SLC38A6: variants seen among roughly 807,000 people sequenced by gnomAD.
SLC38A6 encodes the protein N system amino acid transporter NAT-1.
Under a neutral mutation model 65.0 loss-of-function variants are expected in SLC38A6, and 73 were observed. The ratio of observed to expected loss-of-function variants is 1.12; its 90% CI spans 0.93 to 1.37. The LOEUF (loss-of-function observed/expected upper bound fraction) is 1.37, where lower values mean the gene tolerates loss of function less well. SLC38A6 is among the 40% of genes most tolerant of loss of function. SLC38A6 has a pLI of 0.00. For missense variants in SLC38A6, 561 were observed against 531.1 expected, an observed-to-expected ratio of 1.06 and a Z score of -0.55; for synonymous variants, 183 against 178.8, an observed-to-expected ratio of 1.02 and a Z score of -0.19.
intron 8 of SLC38A6, among the ~76,000 whole-genome samples, chr14:61,038,040 C>T (rs1025780162): frequency 6.6e-6 from 1 of 151,998 alleles, no homozygotes; most frequent in Non-Finnish European, 1.5e-5. Flanking sequence ...CTGTTTGAGA[C>T]TAGTCATCTT....
chr14:61,018,299 A>G (rs1285422049), intron 4 of SLC38A6, among the ~76,000 whole-genome samples: 1 of 152,240 alleles, frequency 6.6e-6, no homozygotes, highest in African/African-American at 2.4e-5. Context: ...TTTCACAAAT[A>G]ACTTCGACAT....
At chr14:61,019,457 T>A in intron 4 of SLC38A6, 84 bp from the exon 5 acceptor site, 2 of 1,397,244 alleles carry the variant, frequency 1.4e-6, no homozygotes, top group Non-Finnish European at 2.0e-6. Context: ...GCTTTTTTAG[T>A]AATAGTTACT....
At chr14:61,014,066 G>A (rs893485376) in intron 3 of SLC38A6, among the ~76,000 whole-genome samples, 2 of 152,076 alleles carry the variant, frequency 1.3e-5, no homozygotes, top group Non-Finnish European at 2.9e-5. Context: ...CATATTTCTT[G>A]GAGGCTTTGT....
At position 61,016,643 on chromosome 14, in the gene SLC38A6, C is replaced by T. The variant is rs548407877; in HGVS notation, c.363+687C>T. 2.2e-3 allele frequency among the ~76,000 whole-genome samples: 328 copies of T among 152,252 alleles called. 1 individual carries two copies. The highest frequency in any genetic ancestry group is 2.1e-3 in the Non-Finnish European group (143 of 68,002). On this transcript the variant is annotated intron_variant, in intron 4 of 15. Coordinates refer to ENST00000267488, the MANE Select transcript of SLC38A6 (RefSeq NM_153811.3). ...CTTCCACCAGTAATCAGGAGTTGAA[C>T]GTTACTGTTAGTGCTATAGTATATA...
chr14:60,990,344 G>A (rs1283182545), intron 3 of SLC38A6, among the ~76,000 whole-genome samples: 8 of 151,780 alleles, frequency 5.3e-5, no homozygotes, highest in East Asian at 3.9e-4. Context: ...ACTCATTATC[G>A]GGCTCATGGT....
chr14:60,981,468 C>T (rs113672433), intron 1 of SLC38A6, 86 bp downstream of exon 1: 3 of 1,541,460 alleles, frequency 1.9e-6, no homozygotes, highest in Non-Finnish European at 8.7e-7. Flanking sequence ...AAAGGAGGAC[C>T]GCACCGGGAC....
At chr14:61,018,626 G>T in intron 4 of SLC38A6, among the ~76,000 whole-genome samples, 1 of 152,152 alleles carries the variant, frequency 6.6e-6, no homozygotes, top group South Asian at 2.1e-4. Flanking sequence ...TTGAGTGATT[G>T]AAAGGCCCAC....
intron 3 of SLC38A6, among the ~76,000 whole-genome samples, chr14:61,011,695 C>T (rs1004668232): frequency 1.4e-4 from 22 of 152,088 alleles, no homozygotes; most frequent in African/African-American, 2.7e-4. Flanking sequence ...TATTGATTTG[C>T]GTATGTTGAA....
At chr14:61,063,540 A>G (rs2042924837) in intron 15 of SLC38A6, among the ~76,000 whole-genome samples, 1 of 152,222 alleles carries the variant, frequency 6.6e-6, no homozygotes, top group African/African-American at 2.4e-5. Context: ...GCCAGGGTGT[A>G]TCAGTAAAAA....
chr14:61,081,266 T>C (rs555610024), intron 16 of SLC38A6, among the ~76,000 whole-genome samples: 3 of 152,320 alleles, frequency 2.0e-5, no homozygotes, highest in South Asian at 4.1e-4. Context: ...CCAAGGTAAA[T>C]TGGACAAGGA....
intron 15 of SLC38A6, among the ~76,000 whole-genome samples, chr14:61,072,722 T>C (rs1284115693): frequency 6.6e-6 from 1 of 152,246 alleles, no homozygotes; most frequent in Non-Finnish European, 1.5e-5. Context: ...ATTGTTTTTA[T>C]GGCTGAATAG....
At chr14:61,034,540 G>A (rs943602897) in intron 6 of SLC38A6, among the ~76,000 whole-genome samples, 9 of 152,016 alleles carry the variant, frequency 5.9e-5, no homozygotes, top group African/African-American at 2.2e-4. Context: ...CTAACATTGG[G>A]TCCCAGAAGG....
intron 3 of SLC38A6, among the ~76,000 whole-genome samples, chr14:61,005,847 C>T (rs1057337391): frequency 1.3e-5 from 2 of 151,952 alleles, no homozygotes; most frequent in African/African-American, 4.8e-5. Context: ...CATATGGAAC[C>T]AAAAAAGAGC....
intron 3 of SLC38A6, among the ~76,000 whole-genome samples, chr14:61,004,920 T>C (rs1327691515): frequency 6.6e-6 from 1 of 152,104 alleles, no homozygotes; most frequent in East Asian, 1.9e-4. Flanking sequence ...TTGATGAACA[T>C]GGATGCAAAA....
At chr14:61,047,059 C>A (rs962281525) in intron 12 of SLC38A6, among the ~76,000 whole-genome samples, 19 of 151,926 alleles carry the variant, frequency 1.3e-4, no homozygotes, top group African/African-American at 4.6e-4. Context: ...TCTTGGGATC[C>A]AAAAATATTT....
At chr14:61,018,668 A>G (rs543977973) in intron 4 of SLC38A6, among the ~76,000 whole-genome samples, 8 of 152,186 alleles carry the variant, frequency 5.3e-5, no homozygotes, top group Non-Finnish European at 7.3e-5. Context: ...GTTTCCTCTA[A>G]GCATATCTGA....
intron 15 of SLC38A6, among the ~76,000 whole-genome samples, chr14:61,077,880 T>G (rs1047574991): frequency 1.3e-5 from 2 of 152,250 alleles, no homozygotes; most frequent in Admixed American, 1.3e-4. Flanking sequence ...TAATTTGCTT[T>G]TAATAAATCA....
Position 60,981,266 on chromosome 14 carries a change from C to G in SLC38A6, c.-12C>G. On this transcript the variant is annotated 5_prime_UTR_variant, in exon 1 of 16. Coordinates refer to ENST00000267488, the MANE Select transcript of SLC38A6 (RefSeq NM_153811.3). Reference sequence around the variant, plus strand: ...GCTCGTAGATGGAACTGGTAGTCAGCTGGAGAGCAGCATGGAGGCGTCCTG... The same window carrying G: ...GCTCGTAGATGGAACTGGTAGTCAGGTGGAGAGCAGCATGGAGGCGTCCTG... 6.3e-7 allele frequency: 1 copy of G among 1,591,542 alleles called. No individual in the cohort carries two copies. The highest frequency in any genetic ancestry group is 2.3e-5 in the East Asian group (1 of 43,858).
At chr14:61,013,267 C>A (rs1349526452) in intron 3 of SLC38A6, among the ~76,000 whole-genome samples, 1 of 152,086 alleles carries the variant, frequency 6.6e-6, no homozygotes, top group Admixed American at 6.5e-5. Flanking sequence ...TTATTTTGAG[C>A]CTATGTGTGT....
Sources: allele counts gnomAD v4.1 joint callset (sites outside exome capture counted in the v4.1 genomes callset), GRCh38; gene constraint gnomAD v4.1.1; transcripts MANE v1.5; gene names NCBI Gene and HGNC (gene_info 2026-07-23, HGNC 2026-07-21).